The following TMEM161B variants were observed in gnomAD, a reference collection of about 807,000 sequenced individuals.
TMEM161B encodes the protein transmembrane protein 161B.
TMEM161B carries 34 observed loss-of-function variants against 61.8 expected under a neutral mutation model. That is an observed-to-expected ratio of 0.55 (90% CI 0.42 to 0.73). The LOEUF is 0.73. Among genes scored for constraint, TMEM161B ranks in the 30% least tolerant of loss-of-function variants. The pLI, the probability that TMEM161B is intolerant of heterozygous loss-of-function variation, is 0.00. For synonymous variants in TMEM161B, 167 were observed against 192.8 expected (o/e 0.87, Z 1.11); for missense variants, 456 against 558.5 (o/e 0.82, Z 1.85).
chr5:88,196,427 T>C lies in TMEM161B; in HGVS notation c.1248A>G (p.Leu416=), dbSNP rs772561956. The change falls in exon 12 of 12, where the codon CTA becomes CTG. Residue 416 remains leucine, a synonymous_variant. Coordinates refer to ENST00000296595, the MANE Select transcript of TMEM161B (RefSeq NM_153354.5). The part of the protein sequence containing the change: ...SISTLPVDNS[L]LSNSVYSELP... The stretch of plus-strand genomic sequence containing the variant: ...ATTCAGAGTAAACAGAATTGGACAG[T>C]AGACTATTATCCACTGGTAAGGTAG... 1.9e-6 allele frequency: 3 copies of C among 1,613,042 alleles called. No individual in the cohort carries two copies. Among genetic ancestry groups the C allele is most frequent in the South Asian group, 1.1e-5 (1 of 91,038 alleles).
chr5:88,267,454 A>C (rs1756541027), intron 1 of TMEM161B, among the ~76,000 whole-genome samples: 1 of 152,228 alleles, frequency 6.6e-6, no homozygotes, highest in Non-Finnish European at 1.5e-5. Context: ...AAAGTCATTC[A>C]AAAGCCAATC....
chr5:88,251,581 C>G (rs767420987), intron 1 of TMEM161B, among the ~76,000 whole-genome samples: 11 of 123,404 alleles, frequency 8.9e-5, no homozygotes, highest in Non-Finnish European at 1.8e-4. Context: ...CAAAAATGAC[C>G]TAGAACAGCC....
intron 8 of TMEM161B, 53 bp from the exon 9 acceptor site, chr5:88,203,128 A>G: frequency 9.0e-7 from 1 of 1,117,044 alleles, no homozygotes; most frequent in Admixed American, 1.9e-5. Context: ...ACGTGCTAAT[A>G]AACTACAGAA....
intron 8 of TMEM161B, 108 bp from the exon 9 acceptor site, chr5:88,203,183 T>A: frequency 3.0e-6 from 2 of 662,026 alleles, no homozygotes; most frequent in Non-Finnish European, 5.3e-6. Context: ...TTTGCAGTAT[T>A]CTACTACTTA....
intron 6 of TMEM161B, 21 bp from the exon 7 acceptor site, chr5:88,206,520 A>ACAACAG: frequency 6.4e-7 from 1 of 1,551,104 alleles, no homozygotes; most frequent in Non-Finnish European, 8.7e-7. Context: ...AAAAAAAAAA[A>ACAACAG]ACAACAGATT....
At chr5:88,249,171 A>C (rs1754008763) in intron 1 of TMEM161B, among the ~76,000 whole-genome samples, 1 of 152,154 alleles carries the variant, frequency 6.6e-6, no homozygotes. Flanking sequence ...CCACAGAAAG[A>C]AAGCAGGAAA....
intron 3 of TMEM161B, among the ~76,000 whole-genome samples, chr5:88,227,122 T>G (rs1318620472): frequency 6.6e-6 from 1 of 152,158 alleles, no homozygotes; most frequent in African/African-American, 2.4e-5. Context: ...CTAAGGAGGT[T>G]GAAGCCACAG....
At chr5:88,187,695 G>A (rs991495146), downstream of TMEM161B, among the ~76,000 whole-genome samples, 10 of 152,014 alleles carry the variant, frequency 6.6e-5, no homozygotes, top group Admixed American at 6.6e-4. Context: ...ATGGGTTACT[G>A]TTTTTATTTC....
chr5:88,195,230 C>T lies in TMEM161B; in HGVS notation c.*981G>A, dbSNP rs551568927. The T allele has an allele frequency of 4.2e-5, 41 of 972,858 alleles. No homozygotes were observed. In the South Asian group the frequency reaches 5.7e-4, roughly 14 times the overall value. The allele number at this position is 972,858 out of a possible 1,614,324, so 60.3% of individuals were successfully genotyped here. On this transcript the variant is annotated 3_prime_UTR_variant, in exon 12 of 12. Transcript: ENST00000296595. ...CTGAACTTTCAAAATGTATTTTAATCTCATTCCAAAAAGAAATAAAATTTC... is the reference window on the plus strand; with the variant it reads ...CTGAACTTTCAAAATGTATTTTAATTTCATTCCAAAAAGAAATAAAATTTC...
chr5:88,224,970 T>G (rs1303645179), intron 4 of TMEM161B, among the ~76,000 whole-genome samples: 5 of 141,864 alleles, frequency 3.5e-5, no homozygotes, highest in Admixed American at 7.0e-5. Flanking sequence ...TTTTTGTTTT[T>G]TTTTTTTTTT....
intron 1 of TMEM161B, among the ~76,000 whole-genome samples, chr5:88,267,298 C>G (rs1368164746): frequency 6.6e-6 from 1 of 151,258 alleles, no homozygotes; most frequent in Non-Finnish European, 1.5e-5. Flanking sequence ...TTCACTGATA[C>G]AAAAGAAAAA....
At chr5:88,268,605 A>T (rs1045092959) in intron 1 of TMEM161B, 116 bp downstream of exon 1, 1 of 1,473,972 alleles carries the variant, frequency 6.8e-7, no homozygotes, top group African/African-American at 1.4e-5. Context: ...CCAGCAGCTC[A>T]TCCCAACGTC....
chr5:88,206,938 A>G lies in TMEM161B; in HGVS notation c.598+91T>C, dbSNP rs182187301. The G allele has an allele frequency of 3.8e-5, 40 of 1,064,692 alleles. No homozygotes were observed. In the East Asian group the frequency reaches 1.0e-3, roughly 27 times the overall value. 66.0% of individuals were successfully genotyped at this position (1,064,692 alleles called of 1,614,324 possible). A position where few individuals can be genotyped will look rare whatever the true frequency, so the allele number is the denominator to read the frequency against. ...ATACACTTTAAATTTAATTTTAGAT[A>G]TTTATCAGACATAAAACTTAAATAC... On this transcript the variant is annotated intron_variant, in intron 6 of 11. Transcript: ENST00000296595.
intron 1 of TMEM161B, among the ~76,000 whole-genome samples, chr5:88,265,107 A>T (rs541349025): frequency 4.8e-4 from 73 of 152,356 alleles, no homozygotes; most frequent in African/African-American, 1.7e-3. Context: ...AAAATTTGAA[A>T]AAAAATTTAA....
At chr5:88,243,998 ATTTG>A (rs980531117) in intron 1 of TMEM161B, among the ~76,000 whole-genome samples, 72 of 151,980 alleles carry the variant, frequency 4.7e-4, no homozygotes, top group African/African-American at 1.7e-3. Context: ...TTGCTTGTAA[ATTTG>A]TTTAAGTTCC....
Position 88,196,220 on chromosome 5 carries a change from A to G in TMEM161B, c.1455T>C (p.Thr485=), listed in dbSNP as rs1749601815. The part of the protein sequence containing the change: ...LFGLFYHQYL[T]VA ...TTTTGTTAACTGAGATTCATGCCACAGTCAGATACTGGTGATAGAAAAGCC... is the reference window on the plus strand; with the variant it reads ...TTTTGTTAACTGAGATTCATGCCACGGTCAGATACTGGTGATAGAAAAGCC... The change falls in exon 12 of 12, where the codon ACT becomes ACC. Residue 485 remains threonine, a synonymous_variant. Coordinates refer to ENST00000296595, the MANE Select transcript of TMEM161B (RefSeq NM_153354.5). 1 of 1,603,736 alleles carries G rather than the reference A, an allele frequency of 6.2e-7. No individual in the cohort carries two copies. Among genetic ancestry groups the G allele is most frequent in the Admixed American group, 1.7e-5 (1 of 57,788 alleles).
At chr5:88,232,528 G>A (rs1751171561) in intron 2 of TMEM161B, among the ~76,000 whole-genome samples, 1 of 152,052 alleles carries the variant, frequency 6.6e-6, no homozygotes, top group South Asian at 2.1e-4. Context: ...GGAAAAATTA[G>A]ATTTTATTTA....
At chr5:88,244,584 C>CT (rs369319062) in intron 1 of TMEM161B, among the ~76,000 whole-genome samples, 34,546 of 115,858 alleles carry the variant, frequency 0.3, 5,455 homozygotes, top group African/African-American at 0.44. Context: ...TCCAGCTTTG[C>CT]TTTTTTTTTT....
chr5:88,243,807 T>C (rs1753145623), intron 1 of TMEM161B, among the ~76,000 whole-genome samples: 3 of 151,982 alleles, frequency 2.0e-5, no homozygotes, highest in African/African-American at 4.8e-5. Flanking sequence ...TGAGATGGTA[T>C]CTCACTGTGG....
Sources: allele counts gnomAD v4.1 joint callset (sites outside exome capture counted in the v4.1 genomes callset), GRCh38; gene constraint gnomAD v4.1.1; transcripts MANE v1.5; gene names NCBI Gene and HGNC (gene_info 2026-07-23, HGNC 2026-07-21).